FAM234A: variants seen among roughly 807,000 people sequenced by gnomAD.
The protein encoded by FAM234A is family with sequence similarity 234 member A.
Under a neutral mutation model 49.1 loss-of-function variants are expected in FAM234A, and 42 were observed. The observed-to-expected ratio is 0.86, with a 90% CI of 0.67 to 1.11. The LOEUF is 1.11. FAM234A is among the 50% of genes least tolerant of loss of function. The pLI is 0.00. For missense variants in FAM234A, 815 were observed against 745.2 expected (o/e 1.09, Z -1.09); for synonymous variants, 369 against 316.2 (o/e 1.17, Z -1.77).
intron 8 of FAM234A, 150 bp from the exon 9 acceptor site, chr16:263,112 C>G (rs908373362): frequency 9.9e-7 from 1 of 1,007,196 alleles, no homozygotes; most frequent in African/African-American, 1.6e-5. Context: ...GCCACCGCGC[C>G]CAGCTCTTCT....
At chr16:247,845 G>T (rs1293780640) in intron 1 of FAM234A, among the ~76,000 whole-genome samples, 1 of 152,062 alleles carries the variant, frequency 6.6e-6, no homozygotes, top group African/African-American at 2.4e-5. Flanking sequence ...GTGTTTGTCA[G>T]TTAAAATGAT....
At chr16:252,773 A>G (rs377725797) in intron 2 of FAM234A, among the ~76,000 whole-genome samples, 11 of 152,216 alleles carry the variant, frequency 7.2e-5, no homozygotes, top group East Asian at 3.9e-4. Context: ...GAACAGTTTA[A>G]AACAAAAGCC....
At chr16:243,828 T>G (rs531727955) in intron 1 of FAM234A, among the ~76,000 whole-genome samples, 1 of 152,204 alleles carries the variant, frequency 6.6e-6, no homozygotes, top group African/African-American at 2.4e-5. Flanking sequence ...TTCCCACCCC[T>G]TGGGGCATTT....
chr16:238,493 A>G (rs546551805), intron 1 of FAM234A, among the ~76,000 whole-genome samples: 29 of 152,206 alleles, frequency 1.9e-4, no homozygotes, highest in Admixed American at 5.2e-4. Context: ...CTGGCCAGGC[A>G]CGGTGGCTCA....
chr16:234,887 TGCACGCCGCAGGGGCGCC>T (rs1408553740), intron 1 of FAM234A, 30 bp downstream of exon 1: 9 of 152,088 alleles, frequency 5.9e-5, no homozygotes, highest in African/African-American at 1.7e-4. Context: ...TACTCGCGCG[TGCACGCCGCAGGGGCGCC>T]GCAGGCCGCC....
downstream of FAM234A, chr16:269,350 C>A: frequency 6.2e-7 from 1 of 1,603,500 alleles, no homozygotes; most frequent in Non-Finnish European, 8.5e-7. Context: ...GGCTGGGGCT[C>A]GAGTGCCGTG....
At chr16:256,078 C>G (rs2051220023) in intron 3 of FAM234A, among the ~76,000 whole-genome samples, 1 of 152,196 alleles carries the variant, frequency 6.6e-6, no homozygotes, top group Admixed American at 6.5e-5. Context: ...TGTGTCTTTC[C>G]GTTGCTGAGC....
Position 264,645 on chromosome 16 carries a change from T to C in FAM234A, c.1376T>C (p.Met459Thr). Residue 459 changes from methionine to threonine, a missense_variant, in exon 12 of 13, where the codon ATG (methionine) becomes ACG (threonine). Physicochemically the swap from Met to Thr is moderately conservative, Grantham distance 81 (BLOSUM62 -1). Transcript: ENST00000399932. Reference sequence around the variant, plus strand: ...GGGGAGGCCCGGCACAGCCTGTACATGTTCCACCCCACCCTGCCGCGCGTG... The same window carrying C: ...GGGGAGGCCCGGCACAGCCTGTACACGTTCCACCCCACCCTGCCGCGCGTG... ...ETGEARHSLY[M>T]FHPTLPRVLL... The C allele has an allele frequency of 1.9e-6, 3 of 1,611,762 alleles. No homozygotes were observed. The highest frequency in any genetic ancestry group is 2.2e-5 in the South Asian group (2 of 91,086).
At chr16:252,242 C>T (rs1209459576) in intron 2 of FAM234A, among the ~76,000 whole-genome samples, 2 of 143,580 alleles carry the variant, frequency 1.4e-5, no homozygotes, top group South Asian at 2.2e-4. Context: ...AGTGCAGTGG[C>T]GCGATCTTGG....
intron 11 of FAM234A, 50 bp downstream of exon 11, chr16:264,221 C>T: frequency 6.5e-7 from 1 of 1,530,564 alleles, no homozygotes; most frequent in Non-Finnish European, 8.8e-7. Context: ...GGGCCAGAGA[C>T]CCAGGCTGGA....
intron 7 of FAM234A, 61 bp from the exon 8 acceptor site, chr16:262,363 C>A: frequency 6.4e-7 from 1 of 1,556,692 alleles, no homozygotes; most frequent in Non-Finnish European, 8.7e-7. Context: ...GCACTGCGTG[C>A]CCCTGGTCCG....
At position 263,243 on chromosome 16, in the gene FAM234A, C is replaced by T. The variant is rs747910281; in HGVS notation, c.972-19C>T. On this transcript the variant is annotated intron_variant, in intron 8 of 12. Transcript: ENST00000399932. Reference sequence around the variant, plus strand: ...CGCCCCGGGGACCCGGCGCCCCTTTCTCCCACTCTCCTGTCTAGCTCTGGA... The same window carrying T: ...CGCCCCGGGGACCCGGCGCCCCTTTTTCCCACTCTCCTGTCTAGCTCTGGA... 8 of 1,607,992 alleles carry T rather than the reference C, an allele frequency of 5.0e-6. No individual in the cohort carries two copies. Among genetic ancestry groups the T allele is most frequent in the Non-Finnish European group, 6.8e-6 (8 of 1,177,328 alleles).
chr16:263,279 A>G lies in FAM234A; in HGVS notation c.989A>G (p.Tyr330Cys), dbSNP rs765868879. Residue 330 changes from tyrosine (Y) to cysteine (C), a missense_variant, in exon 9 of 13, where the codon TAC becomes TGC. Physicochemically the swap from Tyr to Cys is radical, Grantham distance 194. Coordinates refer to ENST00000399932, the MANE Select transcript of FAM234A (RefSeq NM_032039.4). Reference protein sequence around the residue: ...MLSHSSGAVRYLMHVPGNAGA... With the variant: ...MLSHSSGAVRCLMHVPGNAGA... Reference sequence around the variant, plus strand: ...CTGTCTAGCTCTGGAGCAGTGCGCTACCTGATGCATGTCCCAGGGAACGCC... The same window carrying G: ...CTGTCTAGCTCTGGAGCAGTGCGCTGCCTGATGCATGTCCCAGGGAACGCC... The G allele has an allele frequency of 1.2e-6, 2 of 1,612,880 alleles. No homozygotes were observed. Among genetic ancestry groups the G allele is most frequent in the Admixed American group, 1.7e-5 (1 of 60,014 alleles).
intron 1 of FAM234A, chr16:246,934 C>T (rs1436522041): frequency 6.6e-6 from 1 of 151,742 alleles, no homozygotes; most frequent in African/African-American, 2.4e-5. Context: ...TGCCACCATA[C>T]TCATCTAATT....
chr16:245,016 C>T (rs562586269), intron 1 of FAM234A, among the ~76,000 whole-genome samples: 3 of 152,066 alleles, frequency 2.0e-5, no homozygotes, highest in South Asian at 2.1e-4. Context: ...CAAATTCCCA[C>T]GACTATTGTA....
At chr16:241,275 GAAAA>G (rs3074556) in intron 1 of FAM234A, among the ~76,000 whole-genome samples, 1 of 147,230 alleles carries the variant, frequency 6.8e-6, no homozygotes, top group African/African-American at 2.5e-5. Flanking sequence ...CAAAAAGAAA[GAAAA>G]AAAAAAAGCT....
Position 260,129 on chromosome 16 carries a change from C to T in FAM234A, c.546C>T (p.Pro182=), listed in dbSNP as rs2051400198. Residue 182 remains proline (P), a synonymous_variant, in exon 5 of 13, where the codon CCC becomes CCT. Coordinates refer to ENST00000399932, the MANE Select transcript of FAM234A (RefSeq NM_032039.4). ...APSACILVGR[P]SSFIAVNLFT... is the part of the protein sequence containing the mutation. ...CTGCCTGCATCCTGGTGGGCAGACC[C>T]AGTTCTTTCATTGCAGTCAACTTGT... 6.2e-7 allele frequency: 1 copy of T among 1,613,728 alleles called. No individual in the cohort carries two copies. Among genetic ancestry groups the T allele is most frequent in the African/African-American group, 1.3e-5 (1 of 74,944 alleles).
At chr16:251,349 G>C (rs1217751063) in intron 2 of FAM234A, among the ~76,000 whole-genome samples, 1 of 152,026 alleles carries the variant, frequency 6.6e-6, no homozygotes, top group Non-Finnish European at 1.5e-5. Flanking sequence ...ACAAGTTTTT[G>C]TTTGAGCCTC....
intron 9 of FAM234A, 100 bp from the exon 10 acceptor site, chr16:263,600 G>A: frequency 7.9e-7 from 1 of 1,270,534 alleles, no homozygotes; most frequent in South Asian, 1.2e-5. Flanking sequence ...GTCCAGATGT[G>A]GCCATGGGAG....
Sources: allele counts gnomAD v4.1 joint callset (sites outside exome capture counted in the v4.1 genomes callset), GRCh38; gene constraint gnomAD v4.1.1; transcripts MANE v1.5; gene names NCBI Gene and HGNC (gene_info 2026-07-23, HGNC 2026-07-21).